HOMER1: variants seen among roughly 807,000 people sequenced by gnomAD.
HOMER1 encodes the protein homer scaffold protein 1.
HOMER1 carries 3 observed loss-of-function variants against 48.9 expected under a neutral mutation model. The ratio of observed to expected loss-of-function variants is 0.06; its 90% CI spans 0.03 to 0.16. The LOEUF (loss-of-function observed/expected upper bound fraction) is 0.16. HOMER1 is among the 10% of genes least tolerant of loss of function. The pLI is 1.00. For missense variants in HOMER1, 247 were observed against 411.4 expected, an observed-to-expected ratio of 0.60 and a Z score of 3.46; for synonymous variants, 134 against 146.4, an observed-to-expected ratio of 0.92 and a Z score of 0.61.
intron 7 of HOMER1, among the ~76,000 whole-genome samples, chr5:79,397,271 G>A (rs1377024700): frequency 6.6e-6 from 1 of 152,074 alleles, no homozygotes; most frequent in African/African-American, 2.4e-5. Context: ...ATTTTCTGTT[G>A]ACTGTATAAA....
chr5:79,425,954 T>G (rs1283416546), intron 5 of HOMER1, among the ~76,000 whole-genome samples: 2 of 152,058 alleles, frequency 1.3e-5, no homozygotes, highest in East Asian at 3.9e-4. Flanking sequence ...AATAGCCTTA[T>G]GTTACAGACA....
intron 1 of HOMER1, among the ~76,000 whole-genome samples, chr5:79,466,517 T>TAAA (rs1751469515): frequency 6.6e-6 from 1 of 150,892 alleles, no homozygotes; most frequent in East Asian, 1.9e-4. Context: ...ATAATAATAA[T>TAAA]AATAATAAAT....
chr5:79,429,637 T>C lies in HOMER1; in HGVS notation c.527+9373A>G, dbSNP rs144698449. ...TATAAAACTCTCAGAAGAAAACATG[T>C]GTTAATCACTGTAGCCTTAGTTTAG... is the stretch of plus-strand genomic sequence containing the variant. On this transcript the variant is annotated intron_variant, in intron 5 of 8. Coordinates refer to ENST00000334082, the MANE Select transcript of HOMER1 (RefSeq NM_004272.5). Among the ~76,000 whole-genome samples, 3 of 152,264 alleles carry C rather than the reference T, an allele frequency of 2.0e-5. No homozygotes were observed. The East Asian group carries it at 5.8e-4, about 29-fold the overall frequency.
Position 79,373,317 on chromosome 5 carries a change from T to G in HOMER1, c.*2692A>C, listed in dbSNP as rs375541882. 1.3e-5 allele frequency: 2 copies of G among 151,904 alleles called. No individual in the cohort carries two copies. 9.4% of individuals were successfully genotyped at this position (151,904 alleles called of 1,614,324 possible). A position where few individuals can be genotyped will look rare whatever the true frequency, so the allele number is the denominator to read the frequency against. On this transcript the variant is annotated 3_prime_UTR_variant, in exon 9 of 9. Transcript: ENST00000334082. ...TTTTGCTTTTCTTTTTTTTTTTCAA[T>G]TTTTGTTTTTGTACAAGATTCAATA...
At chr5:79,452,299 C>G (rs1432354983) in intron 2 of HOMER1, among the ~76,000 whole-genome samples, 1 of 152,136 alleles carries the variant, frequency 6.6e-6, no homozygotes, top group African/African-American at 2.4e-5. Flanking sequence ...TCTTAGAAAA[C>G]TAGTATTTTA....
intron 1 of HOMER1, among the ~76,000 whole-genome samples, chr5:79,505,459 A>G (rs1393223733): frequency 1.3e-5 from 2 of 152,112 alleles, no homozygotes; most frequent in Non-Finnish European, 2.9e-5. Context: ...TTCCCTAAGC[A>G]CAGTTTTTTG....
intron 8 of HOMER1, among the ~76,000 whole-genome samples, chr5:79,388,049 C>G (rs889974106): frequency 1.3e-4 from 20 of 152,010 alleles, no homozygotes; most frequent in African/African-American, 4.6e-4. Context: ...AACAAAAGGG[C>G]TCAGACTAAA....
At chr5:79,507,462 G>A (rs951975587) in intron 1 of HOMER1, among the ~76,000 whole-genome samples, 5 of 151,844 alleles carry the variant, frequency 3.3e-5, no homozygotes, top group Non-Finnish European at 5.9e-5. Context: ...TATTAGCCAC[G>A]GGTCATAAGG....
At chr5:79,423,601 C>A (rs1750163180) in intron 5 of HOMER1, among the ~76,000 whole-genome samples, 1 of 152,006 alleles carries the variant, frequency 6.6e-6, no homozygotes, top group South Asian at 2.1e-4. Context: ...GTAATGGGTT[C>A]TTTTATATAG....
chr5:79,479,307 T>C (rs1035423953), intron 1 of HOMER1, among the ~76,000 whole-genome samples: 1 of 152,184 alleles, frequency 6.6e-6, no homozygotes, highest in Admixed American at 6.5e-5. Flanking sequence ...CCTGTGAATG[T>C]TGCCTTATTT....
chr5:79,378,512 C>T (rs1034950103), intron 8 of HOMER1, among the ~76,000 whole-genome samples: 1 of 152,080 alleles, frequency 6.6e-6, no homozygotes, highest in African/African-American at 2.4e-5. Flanking sequence ...GAATCTCAAA[C>T]TAATAAAATA....
At position 79,394,474 on chromosome 5, in the gene HOMER1, G is replaced by A. The variant is rs1004384348; in HGVS notation, c.876+2349C>T. 6.6e-5 allele frequency among the ~76,000 whole-genome samples: 10 copies of A among 152,126 alleles called. No individual in the cohort carries two copies. In the East Asian group the frequency reaches 1.9e-3, roughly 29 times the overall value. ...TGTCCTGTTCTAGGTAGGTTGTTTT[G>A]ATAATATTTTTGATATTCAGTGAAA... On this transcript the variant is annotated intron_variant, in intron 8 of 8. Coordinates refer to ENST00000334082, the MANE Select transcript of HOMER1 (RefSeq NM_004272.5).
chr5:79,418,324 G>A (rs1035979388), intron 5 of HOMER1, among the ~76,000 whole-genome samples: 6 of 151,912 alleles, frequency 3.9e-5, no homozygotes, highest in African/African-American at 1.4e-4. Context: ...GGCTTTTTTT[G>A]GTTTTCCTTC....
At position 79,489,201 on chromosome 5, in the gene HOMER1, GGAGA is replaced by G. The variant is rs527407483; in HGVS notation, c.5+23565_5+23568del. Reference sequence around the variant, plus strand: ...TAATATATAGCACTATGAGGATTCAGGAGAGAGAGAGATTTCAAAATACGTTCAA... The same window carrying G: ...TAATATATAGCACTATGAGGATTCAGGAGAGAGATTTCAAAATACGTTCAA... On this transcript the variant is annotated intron_variant, in intron 1 of 8. Transcript: ENST00000334082. Among the ~76,000 whole-genome samples the G allele has an allele frequency of 4.6e-5, 7 of 152,216 alleles. No individual in the cohort carries two copies. The East Asian group carries it at 7.7e-4, about 17-fold the overall frequency.
intron 1 of HOMER1, among the ~76,000 whole-genome samples, chr5:79,472,502 C>A (rs188037420): frequency 1.3e-5 from 2 of 152,008 alleles, no homozygotes; most frequent in Admixed American, 1.3e-4. Flanking sequence ...CTAGGCCAGG[C>A]GTGGTGGCTC....
intron 8 of HOMER1, among the ~76,000 whole-genome samples, chr5:79,387,990 T>C (rs1240211416): frequency 6.6e-6 from 1 of 152,136 alleles, no homozygotes; most frequent in Non-Finnish European, 1.5e-5. Flanking sequence ...CTCTAACCCT[T>C]TGCAAAAGGG....
chr5:79,391,918 T>C (rs943593768), intron 8 of HOMER1, among the ~76,000 whole-genome samples: 6 of 152,206 alleles, frequency 3.9e-5, no homozygotes, highest in Non-Finnish European at 8.8e-5. Flanking sequence ...TGATCAACCA[T>C]GAACAGCATA....
intron 1 of HOMER1, among the ~76,000 whole-genome samples, chr5:79,485,483 C>T (rs558741245): frequency 2.6e-5 from 4 of 152,136 alleles, no homozygotes; most frequent in Non-Finnish European, 5.9e-5. Context: ...TGTATTTGTT[C>T]CATTTTTTTC....
chr5:79,378,715 C>T (rs1214490589), intron 8 of HOMER1, among the ~76,000 whole-genome samples: 2 of 152,088 alleles, frequency 1.3e-5, no homozygotes, highest in African/African-American at 4.8e-5. Flanking sequence ...ACACCCACTT[C>T]ACCAGGCACC....
Sources: allele counts gnomAD v4.1 joint callset (sites outside exome capture counted in the v4.1 genomes callset), GRCh38; gene constraint gnomAD v4.1.1; transcripts MANE v1.5; gene names NCBI Gene and HGNC (gene_info 2026-07-23, HGNC 2026-07-21).